MEGF6: variants seen among roughly 807,000 people sequenced by gnomAD.
The protein encoded by MEGF6 is multiple epidermal growth factor-like domains protein 6.
In MEGF6, 184 loss-of-function variants were observed where a neutral mutation model predicts 207.1. The ratio of observed to expected loss-of-function variants is 0.89; its 90% CI spans 0.79 to 1.00. MEGF6 has a LOEUF of 1.00. MEGF6 is among the 50% of genes least tolerant of loss of function. The pLI is 0.00. For missense variants in MEGF6, 2,282 were observed against 2,202.9 expected, an observed-to-expected ratio of 1.04 and a Z score of -0.72; for synonymous variants, 1,038 against 910.0, an observed-to-expected ratio of 1.14 and a Z score of -2.53.
intron 4 of MEGF6, among the ~76,000 whole-genome samples, chr1:3,567,661 C>T (rs1643385136): frequency 6.6e-6 from 1 of 152,200 alleles, no homozygotes; most frequent in African/African-American, 2.4e-5. Context: ...CACCGTGGGC[C>T]CTCGGTCCCT....
intron 4 of MEGF6, among the ~76,000 whole-genome samples, chr1:3,562,694 C>T (rs1643237221): frequency 6.6e-6 from 1 of 152,246 alleles, no homozygotes; most frequent in Non-Finnish European, 1.5e-5. Context: ...CGGAGAGCCA[C>T]TACCAGGCTG....
At position 3,509,909 on chromosome 1, in the gene MEGF6, C is replaced by G; in HGVS notation, c.1318G>C (p.Ala440Pro). The G allele has an allele frequency of 1.3e-6, 2 of 1,563,680 alleles. No homozygotes were observed. Among genetic ancestry groups the G allele is most frequent in the Non-Finnish European group, 1.7e-6 (2 of 1,157,190 alleles). The change falls in exon 11 of 37, where the codon GCC becomes CCC. Residue 440 changes from alanine (A) to proline (P), a missense_variant. Transcript: ENST00000356575. ...CGGTCCTCGTGCAGCCGGTAGCCGG[C>G]CTCGCAGGAGCACTGGAAGGAGCCG... Reference protein sequence around the residue: ...LAGSFQCSCEAGYRLHEDRRG... With the variant: ...LAGSFQCSCEPGYRLHEDRRG...
At position 3,513,577 on chromosome 1, in the gene MEGF6, C is replaced by CTTT. The variant is rs757815891; in HGVS notation, c.853+970_853+972dup. Among the ~76,000 whole-genome samples the CTTT allele has an allele frequency of 8.8e-5, 5 of 56,562 alleles. 1 individual carries two copies. Among genetic ancestry groups the CTTT allele is most frequent in the African/African-American group, 3.0e-4 (4 of 13,550 alleles). 37.1% of individuals were successfully genotyped at this position (56,562 alleles called of 152,430 possible). A position where few individuals can be genotyped will look rare whatever the true frequency, so the allele number is the denominator to read the frequency against. ...ACAGGTGTGAGCCACCACACCTGGG[C>CTTT]TTTTTTTTTTTTTTTTTTTTTTTTT... On this transcript the variant is annotated intron_variant, in intron 7 of 36. Coordinates refer to ENST00000356575, the MANE Select transcript of MEGF6 (RefSeq NM_001409.4).
chr1:3,549,384 C>T (rs116825811), intron 4 of MEGF6, among the ~76,000 whole-genome samples: 5,760 of 152,288 alleles, frequency 0.038, 140 homozygotes, highest in Non-Finnish European at 0.061. Context: ...GGGCCCAGGA[C>T]GGAGAAGTTC....
intron 4 of MEGF6, among the ~76,000 whole-genome samples, chr1:3,544,879 G>C (rs558034257): frequency 1.3e-5 from 2 of 152,206 alleles, no homozygotes; most frequent in African/African-American, 4.8e-5. Flanking sequence ...CAGGGTGGCC[G>C]AGGGGGCAGG....
chr1:3,590,087 A>AG lies in MEGF6; in HGVS notation c.376+5250dup, dbSNP rs1322146844. On this transcript the variant is annotated intron_variant, in intron 3 of 36. Transcript: ENST00000356575. ...CAGTGGCCTCCCCCTCCCCTGGGCC[A>AG]GGCCAGCACAGCCCGTATGAGGAGT... 2.0e-5 allele frequency among the ~76,000 whole-genome samples: 3 copies of AG among 152,158 alleles called. No individual in the cohort carries two copies. The East Asian group carries it at 5.8e-4, about 29-fold the overall frequency.
At chr1:3,529,912 A>C (rs1282387547) in intron 4 of MEGF6, among the ~76,000 whole-genome samples, 2 of 152,196 alleles carry the variant, frequency 1.3e-5, no homozygotes, top group East Asian at 1.9e-4. Flanking sequence ...GGCAGTTATC[A>C]AGTTCCAAGC....
intron 5 of MEGF6, among the ~76,000 whole-genome samples, chr1:3,523,885 C>T (rs377569344): frequency 2.0e-5 from 3 of 152,242 alleles, no homozygotes; most frequent in African/African-American, 7.2e-5. Context: ...TGCAGAGGGT[C>T]TGCAGCCAGG....
intron 4 of MEGF6, among the ~76,000 whole-genome samples, chr1:3,528,165 C>G (rs1642029451): frequency 1.3e-5 from 2 of 152,258 alleles, no homozygotes; most frequent in Admixed American, 1.3e-4. Flanking sequence ...CCTACAGGGA[C>G]AGGCACTGGG....
rs1641514829 is a variant in MEGF6 at position 3,515,605 on chromosome 1, G to GGGAGTGGCATGGAGCAT, written c.605-79_605-78insATGCTCCATGCCACTCC. 1.9e-6 allele frequency: 3 copies of GGGAGTGGCATGGAGCAT among 1,552,902 alleles called. No homozygotes were observed. In the South Asian group the frequency reaches 3.5e-5, roughly 18 times the overall value. On this transcript the variant is annotated intron_variant, in intron 5 of 36. Coordinates refer to ENST00000356575, the MANE Select transcript of MEGF6 (RefSeq NM_001409.4). The stretch of plus-strand genomic sequence containing the variant: ...GTCTGTCCCTGGCTGGCATGGAGCA[G>GGGAGTGGCATGGAGCAT]GGAGTGGCATGGCCACTTCTTCCTG...
In MEGF6 at chr1:3,509,166, G is replaced by C; in HGVS notation, c.1437C>G (p.Asp479Glu). 6.3e-7 allele frequency: 1 copy of C among 1,582,178 alleles called. No homozygotes were observed. The highest frequency in any genetic ancestry group is 8.6e-7 in the Non-Finnish European group (1 of 1,164,902). ...RPLPHIAVLQ[D>E]ELPQLFQDDD... ...CATCCTGGAAGAGTTGCGGCAGCTC[G>C]TCCTGGAGCACGGCAATGTGGGGCA... Residue 479 changes from aspartate (D) to glutamate (E), a missense_variant, in exon 12 of 37, where the codon GAC becomes GAG. Physicochemically the swap from Asp to Glu is conservative, Grantham distance 45 (BLOSUM62 2). Transcript: ENST00000356575.
At chr1:3,541,196 CT>C (rs1361973919) in intron 4 of MEGF6, among the ~76,000 whole-genome samples, 4 of 152,264 alleles carry the variant, frequency 2.6e-5, no homozygotes, top group Admixed American at 1.3e-4. Context: ...CCCCATGGCA[CT>C]GCCCCGTGGG....
intron 3 of MEGF6, among the ~76,000 whole-genome samples, chr1:3,583,850 CCGCAGCCACCAGACAACG>C (rs1557795267): frequency 0.17 from 409 of 2,434 alleles, 14 homozygotes; most frequent in African/African-American, 0.29. Flanking sequence ...ACCAGACAAC[CCGCAGCCACCAGACAACG>C]CGCAGCCACC....
Position 3,594,863 on chromosome 1 carries a change from G to A in MEGF6, c.376+475C>T, listed in dbSNP as rs1331704004. ...GCTGGCTACATAACGGAGAGAGGAA[G>A]GAGCGGCTCCCTTACACCCACTGAA... On this transcript the variant is annotated intron_variant, in intron 3 of 36. Transcript: ENST00000356575. This position sits in a 1 kb window ranked among gnomAD's most constrained non-coding sequence, Gnocchi z 4.2. 6.6e-6 allele frequency among the ~76,000 whole-genome samples: 1 copy of A among 152,206 alleles called. No homozygotes were observed. Among genetic ancestry groups the A allele is most frequent in the African/African-American group, 2.4e-5 (1 of 41,452 alleles).
At position 3,545,490 on chromosome 1, in the gene MEGF6, G is replaced by A. The variant is rs954524167; in HGVS notation, c.482-21244C>T. On this transcript the variant is annotated intron_variant, in intron 4 of 36. Transcript: ENST00000356575. ...ACGTGTGGAGGTGGCCAAGTCCTGGGGCCATCCCATACCTGGAGTGGACAA... is the reference window on the plus strand; with the variant it reads ...ACGTGTGGAGGTGGCCAAGTCCTGGAGCCATCCCATACCTGGAGTGGACAA... Among the ~76,000 whole-genome samples, 11 of 152,290 alleles carry A rather than the reference G, an allele frequency of 7.2e-5. No homozygotes were observed. The East Asian group carries it at 1.7e-3, about 24-fold the overall frequency.
intron 13 of MEGF6, 94 bp downstream of exon 13, chr1:3,508,464 C>G: frequency 6.9e-7 from 1 of 1,447,376 alleles, no homozygotes; most frequent in Non-Finnish European, 9.4e-7. Flanking sequence ...GGCCAGCAGG[C>G]AGGAGTAAAA....
intron 8 of MEGF6, 122 bp from the exon 9 acceptor site, chr1:3,511,809 C>T (rs1477205169): frequency 1.4e-6 from 2 of 1,471,264 alleles, no homozygotes. Flanking sequence ...TGGGAAGCAG[C>T]AACATGGAGC....
In MEGF6 at chr1:3,565,147, G is replaced by T. The variant is rs1643310223; in HGVS notation, c.481+14678C>A. Among the ~76,000 whole-genome samples the T allele has an allele frequency of 6.6e-6, 1 of 151,988 alleles. No homozygotes were observed. Among genetic ancestry groups the T allele is most frequent in the African/African-American group, 2.4e-5 (1 of 41,358 alleles). ...TGGACGCATGAATGAAGCCCCCTAGGTACCCCCTTCTTACCCTGGAACCCC... is the reference window on the plus strand; with the variant it reads ...TGGACGCATGAATGAAGCCCCCTAGTTACCCCCTTCTTACCCTGGAACCCC... On this transcript the variant is annotated intron_variant, in intron 4 of 36. Coordinates refer to ENST00000356575, the MANE Select transcript of MEGF6 (RefSeq NM_001409.4). This position sits in a 1 kb window ranked among gnomAD's most constrained non-coding sequence, Gnocchi z 4.8.
intron 3 of MEGF6, among the ~76,000 whole-genome samples, chr1:3,590,484 A>G (rs1643958969): frequency 1.3e-5 from 2 of 152,216 alleles, no homozygotes; most frequent in East Asian, 1.9e-4. Flanking sequence ...AGCCCCGGTC[A>G]TGAGGCCCCA....
Sources: allele counts gnomAD v4.1 joint callset (sites outside exome capture counted in the v4.1 genomes callset), GRCh38; gene constraint gnomAD v4.1.1; non-coding constraint Gnocchi (gnomAD v3.1); transcripts MANE v1.5; gene names NCBI Gene and HGNC (gene_info 2026-07-23, HGNC 2026-07-21).